LUZP2: variants seen among roughly 807,000 people sequenced by gnomAD.
LUZP2 encodes the protein leucine zipper protein 2.
Under a neutral mutation model 51.6 loss-of-function variants are expected in LUZP2, and 52 were observed. The ratio of observed to expected loss-of-function variants is 1.01; its 90% CI spans 0.81 to 1.27. LUZP2 has a LOEUF of 1.27. LUZP2 is among the 50% of genes most tolerant of loss of function. The pLI is 0.00. For missense variants in LUZP2, 436 were observed against 395.4 expected, an observed-to-expected ratio of 1.10 and a Z score of -0.87; for synonymous variants, 154 against 137.3, an observed-to-expected ratio of 1.12 and a Z score of -0.85.
chr11:24,547,076 T>A (rs1851574495), intron 1 of LUZP2, among the ~76,000 whole-genome samples: 1 of 151,922 alleles, frequency 6.6e-6, no homozygotes, highest in Non-Finnish European at 1.5e-5. Context: ...CTTTCTTTCT[T>A]GTTCAGTCTT....
intron 9 of LUZP2, among the ~76,000 whole-genome samples, chr11:25,014,891 A>AT (rs1444918563): frequency 6.6e-6 from 1 of 152,118 alleles, no homozygotes; most frequent in African/African-American, 2.4e-5. Context: ...TAAGTCTAAC[A>AT]TTTAAGTCTT....
At chr11:24,507,651 C>T (rs1850181980) in intron 1 of LUZP2, among the ~76,000 whole-genome samples, 1 of 151,956 alleles carries the variant, frequency 6.6e-6, no homozygotes, top group African/African-American at 2.4e-5. Flanking sequence ...TAGCTTTTAT[C>T]ACTGCAAGTT....
intron 9 of LUZP2, among the ~76,000 whole-genome samples, chr11:24,983,726 T>G (rs946798555): frequency 1.2e-4 from 18 of 151,432 alleles, no homozygotes; most frequent in African/African-American, 4.4e-4. Context: ...AGAATCTTAG[T>G]GTAAATATTT....
chr11:24,723,653 C>T (rs979466719), intron 1 of LUZP2, among the ~76,000 whole-genome samples: 4 of 151,918 alleles, frequency 2.6e-5, no homozygotes, highest in Admixed American at 2.6e-4. Flanking sequence ...TCATGAGACC[C>T]CCATCTCTAC....
intron 7 of LUZP2, among the ~76,000 whole-genome samples, chr11:24,947,600 A>G (rs942604139): frequency 2.0e-5 from 3 of 151,882 alleles, no homozygotes; most frequent in Non-Finnish European, 4.4e-5. Context: ...GTCTAAATAA[A>G]TTATTTTAGT....
At chr11:24,607,915 C>G (rs1394451137) in intron 1 of LUZP2, among the ~76,000 whole-genome samples, 3 of 151,680 alleles carry the variant, frequency 2.0e-5, no homozygotes, top group African/African-American at 4.9e-5. Context: ...GTGGCGCGAT[C>G]TAGGCTCACT....
chr11:25,032,543 T>A (rs1018594300), intron 9 of LUZP2, among the ~76,000 whole-genome samples: 15 of 152,170 alleles, frequency 9.9e-5, no homozygotes, highest in African/African-American at 3.1e-4. Context: ...TGTCAGTAGA[T>A]GTTGTTGAGT....
At chr11:24,830,506 A>G (rs1850667596) in intron 5 of LUZP2, among the ~76,000 whole-genome samples, 1 of 152,238 alleles carries the variant, frequency 6.6e-6, no homozygotes, top group Non-Finnish European at 1.5e-5. Context: ...CACAAAAGAC[A>G]CACAGAAAGT....
At chr11:24,554,783 A>G (rs915854770) in intron 1 of LUZP2, among the ~76,000 whole-genome samples, 2 of 149,698 alleles carry the variant, frequency 1.3e-5, no homozygotes, top group African/African-American at 5.0e-5. Flanking sequence ...GGTCAATTCT[A>G]AAGTTATCCC....
At chr11:24,583,772 C>T (rs1590208105) in intron 1 of LUZP2, among the ~76,000 whole-genome samples, 1 of 150,606 alleles carries the variant, frequency 6.6e-6, no homozygotes, top group South Asian at 2.1e-4. Context: ...GGGGCGATCT[C>T]GGCTCACTGC....
rs1364215148 is a variant in LUZP2 at position 24,638,543 on chromosome 11, A to C, written c.63-90626A>C. On this transcript the variant is annotated intron_variant, in intron 1 of 11. Coordinates refer to ENST00000336930, the MANE Select transcript of LUZP2 (RefSeq NM_001009909.4). ...AAAAAAATAAAAATTCAAAGTATAC[A>C]GTATTTACTACATGGCTAAAGCAGG... Among the ~76,000 whole-genome samples, 5 of 151,740 alleles carry C rather than the reference A, an allele frequency of 3.3e-5. No individual in the cohort carries two copies. In the South Asian group the frequency reaches 1.0e-3, roughly 31 times the overall value.
chr11:24,514,539 G>C (rs564937978), intron 1 of LUZP2, among the ~76,000 whole-genome samples: 1 of 152,162 alleles, frequency 6.6e-6, no homozygotes, highest in Non-Finnish European at 1.5e-5. Context: ...AAGCCCACTT[G>C]TCAATGGAAT....
intron 9 of LUZP2, among the ~76,000 whole-genome samples, chr11:24,991,773 A>C (rs1442806553): frequency 6.6e-6 from 1 of 151,942 alleles, no homozygotes; most frequent in Non-Finnish European, 1.5e-5. Context: ...TTGCAGAAGT[A>C]AGGAGGTATT....
At chr11:24,735,633 T>A (rs561754216) in intron 3 of LUZP2, among the ~76,000 whole-genome samples, 10 of 151,834 alleles carry the variant, frequency 6.6e-5, no homozygotes, top group Admixed American at 1.3e-4. Context: ...TGTAGAGTGA[T>A]TAAGGTGAGG....
At chr11:24,675,581 A>C in intron 1 of LUZP2, among the ~76,000 whole-genome samples, 1 of 152,242 alleles carries the variant, frequency 6.6e-6, no homozygotes, top group Admixed American at 6.5e-5. Context: ...ATTTGAATAA[A>C]ATTTGCTGTA....
chr11:24,652,146 T>C (rs1305900878), intron 1 of LUZP2, among the ~76,000 whole-genome samples: 1 of 151,872 alleles, frequency 6.6e-6, no homozygotes, highest in Non-Finnish European at 1.5e-5. Flanking sequence ...GTATCTCCTG[T>C]TGGTTCCATT....
At chr11:24,809,234 A>G (rs1158974730) in intron 5 of LUZP2, among the ~76,000 whole-genome samples, 1 of 152,206 alleles carries the variant, frequency 6.6e-6, no homozygotes, top group African/African-American at 2.4e-5. Context: ...ACAAATGAAT[A>G]AATAATAAAT....
intron 2 of LUZP2, among the ~76,000 whole-genome samples, chr11:24,730,008 A>C (rs1858655826): frequency 6.6e-6 from 1 of 151,772 alleles, no homozygotes; most frequent in Non-Finnish European, 1.5e-5. Flanking sequence ...CTAGCTCCAG[A>C]CACTATTAGT....
intron 7 of LUZP2, among the ~76,000 whole-genome samples, chr11:24,969,326 G>T (rs1240778066): frequency 2.6e-5 from 4 of 152,010 alleles, no homozygotes; most frequent in East Asian, 1.9e-4. Flanking sequence ...TAAATATCAA[G>T]AAATATAAAT....
Sources: gnomAD v4.1 joint callset for allele counts (sites outside exome capture counted in the v4.1 genomes callset) on GRCh38, gnomAD v4.1.1 for gene constraint, MANE v1.5 for transcripts, NCBI Gene and HGNC (gene_info 2026-07-23, HGNC 2026-07-21) for gene names.